The following RHOBTB3 variants were observed in gnomAD, a reference collection of about 807,000 sequenced individuals.
The protein encoded by RHOBTB3 is Rho related BTB domain containing 3.
Under a neutral mutation model 67.2 loss-of-function variants are expected in RHOBTB3, and 47 were observed. That is an observed-to-expected ratio of 0.70 (90% confidence interval 0.55 to 0.89). The LOEUF is 0.89. RHOBTB3 is among the 40% of genes least tolerant of loss of function. The probability of loss-of-function intolerance (pLI) is 0.00; values close to 1 mark genes in which losing one functional copy is unlikely to be tolerated. For synonymous variants in RHOBTB3, 273 were observed against 274.2 expected (o/e 1.00, Z 0.04); for missense variants, 631 against 750.0 (o/e 0.84, Z 1.85).
chr5:95,776,490 A>G (rs1453198225), intron 8 of RHOBTB3, among the ~76,000 whole-genome samples: 4 of 152,158 alleles, frequency 2.6e-5, no homozygotes, highest in African/African-American at 4.8e-5. Context: ...TATTTCACGC[A>G]ATAATAATAA....
chr5:95,755,645 A>G lies in RHOBTB3; in HGVS notation c.932A>G (p.Asp311Gly), dbSNP rs759342338. The G allele has an allele frequency of 6.2e-7, 1 of 1,614,200 alleles. No individual in the cohort carries two copies. The highest frequency in any genetic ancestry group is 8.5e-7 in the Non-Finnish European group (1 of 1,180,042). The change falls in exon 6 of 12, where the codon GAT becomes GGT. Residue 311 changes from aspartate to glycine, a missense_variant. By Grantham distance (94) the Asp-to-Gly change is moderately conservative. Transcript: ENST00000379982. ...TTQDLFAINR[D>G]TAFPGASHES... ...CAGGATCTTTTTGCTATAAACAGAG[A>G]TACTGCATTTCCAGGTGCTAGCCAT...
intron 6 of RHOBTB3, among the ~76,000 whole-genome samples, chr5:95,757,263 T>C (rs1745274351): frequency 6.6e-6 from 1 of 152,214 alleles, no homozygotes; most frequent in Non-Finnish European, 1.5e-5. Context: ...CATCTAAGTG[T>C]CCCATGTAAG....
At chr5:95,722,435 G>T (rs550449897) in intron 1 of RHOBTB3, among the ~76,000 whole-genome samples, 1 of 152,082 alleles carries the variant, frequency 6.6e-6, no homozygotes, top group African/African-American at 2.4e-5. Context: ...AATGGTGCTT[G>T]ATAATAATAC....
chr5:95,750,894 C>T (rs1313760804), intron 4 of RHOBTB3, among the ~76,000 whole-genome samples: 1 of 152,204 alleles, frequency 6.6e-6, no homozygotes, highest in African/African-American at 2.4e-5. Flanking sequence ...GATCAGCTCT[C>T]CCTTTGCTGT....
chr5:95,760,403 A>C (rs1209374562), intron 6 of RHOBTB3, among the ~76,000 whole-genome samples: 1 of 152,182 alleles, frequency 6.6e-6, no homozygotes. Context: ...TAGGAAGTGA[A>C]GTATTTGTAA....
chr5:95,745,163 T>A (rs148733466), intron 3 of RHOBTB3, among the ~76,000 whole-genome samples: 2 of 152,178 alleles, frequency 1.3e-5, no homozygotes, highest in African/African-American at 4.8e-5. Context: ...CCCCAACTCC[T>A]AGGTTCAAGG....
chr5:95,770,659 G>C (rs2112817520), intron 8 of RHOBTB3: 1 of 496,632 alleles, frequency 2.0e-6, no homozygotes, highest in Non-Finnish European at 4.1e-6. Context: ...AGAAGAGAAG[G>C]ACCCTGGAAT....
In RHOBTB3 at chr5:95,736,937, G is replaced by A. The variant is rs779596557; in HGVS notation, c.277G>A (p.Ala93Thr). 6 of 1,611,570 alleles carry A rather than the reference G, an allele frequency of 3.7e-6. No individual in the cohort carries two copies. Among genetic ancestry groups the A allele is most frequent in the Admixed American group, 3.4e-5 (2 of 59,428 alleles). ...WYTSRNLIGGADIIVIKYNVN... is the reference protein window; with the variant it reads ...WYTSRNLIGGTDIIVIKYNVN... The stretch of plus-strand genomic sequence containing the variant: ...CACTTCTCGAAATCTAATTGGGGGC[G>A]CTGACATCATTGTGATCAAATACAA... Residue 93 changes from alanine (A) to threonine (T), a missense_variant, in exon 3 of 12, where the codon GCT becomes ACT. Coordinates refer to ENST00000379982, the MANE Select transcript of RHOBTB3 (RefSeq NM_014899.4).
At chr5:95,729,372 GTAAC>G (rs1374043860), upstream of RHOBTB3, among the ~76,000 whole-genome samples, 1 of 152,120 alleles carries the variant, frequency 6.6e-6, no homozygotes, top group Non-Finnish European at 1.5e-5. Context: ...CACCTATTGA[GTAAC>G]TAAGGAAAAA....
At chr5:95,731,326 C>T (rs1402043835), upstream of RHOBTB3, 2 of 1,083,936 alleles carry the variant, frequency 1.8e-6, no homozygotes, top group African/African-American at 1.7e-5. Flanking sequence ...GGAGGAGCAG[C>T]GGCAGCGGCA....
upstream of RHOBTB3, chr5:95,731,055 G>A (rs781580327): frequency 4.5e-4 from 477 of 1,064,354 alleles, 9 homozygotes; most frequent in Non-Finnish European, 9.5e-5. Flanking sequence ...TTACGGCCTT[G>A]CGAGTTGAAC....
chr5:95,737,396 A>G (rs1325068676), intron 3 of RHOBTB3, among the ~76,000 whole-genome samples: 1 of 152,204 alleles, frequency 6.6e-6, no homozygotes, highest in Non-Finnish European at 1.5e-5. Context: ...ACTCTTTTTG[A>G]TGATCTGAAG....
intron 10 of RHOBTB3, among the ~76,000 whole-genome samples, chr5:95,784,336 A>C (rs1332841733): frequency 6.6e-6 from 1 of 152,242 alleles, no homozygotes; most frequent in African/African-American, 2.4e-5. Context: ...AAATGACAGA[A>C]TTGGTCCATA....
At chr5:95,733,891 A>G (rs1012166152) in intron 2 of RHOBTB3, among the ~76,000 whole-genome samples, 2 of 152,202 alleles carry the variant, frequency 1.3e-5, no homozygotes, top group Non-Finnish European at 2.9e-5. Context: ...ATAGCCTTTG[A>G]TATCAAAAGG....
chr5:95,783,722 G>T, intron 9 of RHOBTB3, 75 bp from the exon 10 acceptor site: 3 of 1,253,052 alleles, frequency 2.4e-6, no homozygotes, highest in Non-Finnish European at 3.3e-6. Context: ...GTTGTTTTTT[G>T]TTGGTGGGGG....
intron 3 of RHOBTB3, among the ~76,000 whole-genome samples, chr5:95,740,514 C>T (rs1038678983): frequency 8.5e-5 from 13 of 152,324 alleles, no homozygotes; most frequent in African/African-American, 2.4e-4. Flanking sequence ...AGACAATAGT[C>T]TTGACTAAAT....
chr5:95,791,086 G>C (rs78030156), intron 11 of RHOBTB3, among the ~76,000 whole-genome samples: 1 of 152,256 alleles, frequency 6.6e-6, no homozygotes, highest in East Asian at 1.9e-4. Context: ...TCTTGTCACG[G>C]TCACTCTACA....
intron 9 of RHOBTB3, among the ~76,000 whole-genome samples, chr5:95,782,997 G>A (rs2112833091): frequency 6.6e-6 from 1 of 151,326 alleles, no homozygotes; most frequent in South Asian, 2.1e-4. Context: ...TAATTTTTAA[G>A]GGCAATTATA....
At chr5:95,769,240 A>G (rs954209680) in intron 8 of RHOBTB3, 15 of 376,772 alleles carry the variant, frequency 4.0e-5, no homozygotes, top group African/African-American at 2.5e-4. Context: ...TACAAAGTCA[A>G]TTGGCTTCAA....
Sources: allele counts gnomAD v4.1 joint callset (sites outside exome capture counted in the v4.1 genomes callset), GRCh38; gene constraint gnomAD v4.1.1; transcripts MANE v1.5; gene names NCBI Gene and HGNC (gene_info 2026-07-23, HGNC 2026-07-21).